The following AGMO variants were observed in gnomAD, a reference collection of about 807,000 sequenced individuals.
The protein encoded by AGMO is glyceryl-ether monooxygenase.
Under a neutral mutation model 60.2 loss-of-function variants are expected in AGMO, and 75 were observed. The observed-to-expected ratio is 1.25, with a 90% CI of 1.03 to 1.51. The LOEUF is 1.51. AGMO is among the 40% of genes most tolerant of loss of function. The pLI, the probability that AGMO is intolerant of heterozygous loss-of-function variation, is 0.00. For synonymous variants in AGMO, 261 were observed against 177.1 expected (o/e 1.47, Z -3.76); for missense variants, 763 against 525.5 (o/e 1.45, Z -4.42).
At chr7:15,314,071 C>T (rs1444208540) in intron 12 of AGMO, among the ~76,000 whole-genome samples, 2 of 151,904 alleles carry the variant, frequency 1.3e-5, no homozygotes, top group Non-Finnish European at 2.9e-5. Flanking sequence ...CAAGCCATGG[C>T]AGTGTTGATG....
At chr7:15,160,791 G>T in the AGMO span, among the ~76,000 whole-genome samples, 98 of 152,116 alleles carry the variant, frequency 6.4e-4, no homozygotes, top group Non-Finnish European at 5.4e-4. Context: ...CTATTGCTGT[G>T]AAAGTATTTT....
chr7:15,522,876 C>T (rs1056609477), intron 3 of AGMO, among the ~76,000 whole-genome samples: 1 of 152,098 alleles, frequency 6.6e-6, no homozygotes, highest in Non-Finnish European at 1.5e-5. Context: ...AGCTTCTGCA[C>T]AGCAAAAGAA....
At chr7:15,256,177 A>T (rs1320969444) in intron 12 of AGMO, among the ~76,000 whole-genome samples, 1 of 152,182 alleles carries the variant, frequency 6.6e-6, no homozygotes, top group Non-Finnish European at 1.5e-5. Context: ...AGGAAACGAG[A>T]GTGTTCAGGT....
intron 8 of AGMO, among the ~76,000 whole-genome samples, chr7:15,388,350 T>G (rs1265289524): frequency 6.6e-6 from 1 of 152,040 alleles, no homozygotes; most frequent in Non-Finnish European, 1.5e-5. Flanking sequence ...AATTGCAACC[T>G]CAGGCATATG....
intron 3 of AGMO, among the ~76,000 whole-genome samples, chr7:15,498,061 A>T (rs1783280981): frequency 6.6e-6 from 1 of 152,044 alleles, no homozygotes; most frequent in African/African-American, 2.4e-5. Flanking sequence ...CCCCTCAGTG[A>T]ATTAGATCAC....
chr7:15,448,806 TGA>T (rs1243527731), intron 3 of AGMO, among the ~76,000 whole-genome samples: 2 of 152,138 alleles, frequency 1.3e-5, no homozygotes, highest in Non-Finnish European at 2.9e-5. Flanking sequence ...GGTTTGAAGG[TGA>T]GAGATAAAAG....
At chr7:15,214,887 G>A (rs2128494910) in intron 12 of AGMO, among the ~76,000 whole-genome samples, 1 of 152,028 alleles carries the variant, frequency 6.6e-6, no homozygotes, top group South Asian at 2.1e-4. Context: ...GACATAAAAA[G>A]CTTATTTTAA....
chr7:15,411,523 T>TA (rs1244464937), intron 5 of AGMO, among the ~76,000 whole-genome samples: 1 of 151,920 alleles, frequency 6.6e-6, no homozygotes, highest in African/African-American at 2.4e-5. Context: ...AGTTGTTTTT[T>TA]TAAAAAGCAT....
chr7:15,453,247 A>C (rs1781901336), intron 3 of AGMO, among the ~76,000 whole-genome samples: 1 of 152,230 alleles, frequency 6.6e-6, no homozygotes, highest in Non-Finnish European at 1.5e-5. Context: ...AATAAATTAA[A>C]ATAAAAACTT....
At position 15,238,844 on chromosome 7, in the gene AGMO, T is replaced by A. The variant is rs565968234; in HGVS notation, c.1264-37485A>T. Among the ~76,000 whole-genome samples the A allele has an allele frequency of 1.3e-3, 202 of 152,184 alleles. 1 individual carries two copies. The highest frequency in any genetic ancestry group is 2.3e-3 in the Non-Finnish European group (157 of 67,930). ...CATAAGTATAGTCAGATTTGAAATA[T>A]AAAAAATACATGTACTAGGAAAACA... is the stretch of plus-strand genomic sequence containing the variant. On this transcript the variant is annotated intron_variant, in intron 12 of 12. Coordinates refer to ENST00000342526, the MANE Select transcript of AGMO (RefSeq NM_001004320.2).
the AGMO span, among the ~76,000 whole-genome samples, chr7:15,161,795 AATACATAT>A: frequency 1.3e-5 from 2 of 152,058 alleles, no homozygotes; most frequent in Non-Finnish European, 2.9e-5. Flanking sequence ...AACCCTGAGT[AATACATAT>A]ACCATTTGTC....
At chr7:15,432,015 G>T (rs527291312) in intron 3 of AGMO, among the ~76,000 whole-genome samples, 2 of 151,706 alleles carry the variant, frequency 1.3e-5, no homozygotes, top group African/African-American at 4.8e-5. Context: ...AGATCGAAAT[G>T]TCACATTATA....
At position 15,393,077 on chromosome 7, in the gene AGMO, CGAA is replaced by C. The variant is rs1392455463; in HGVS notation, c.676+1033_676+1035del. 2.0e-5 allele frequency among the ~76,000 whole-genome samples: 3 copies of C among 152,280 alleles called. No individual in the cohort carries two copies. The East Asian group carries it at 5.8e-4, about 29-fold the overall frequency. ...ATCACATTTGCATCACTGTGAAAGT[CGAA>C]GAATTAAAAGTCGAACCAATCATAA... On this transcript the variant is annotated intron_variant, in intron 6 of 12. Transcript: ENST00000342526.
At chr7:15,342,172 T>TAAAAAAAAAAAAAA (rs775057626) in intron 12 of AGMO, among the ~76,000 whole-genome samples, 1,628 of 54,228 alleles carry the variant, frequency 0.03, 197 homozygotes, top group African/African-American at 0.046. Flanking sequence ...CCCACAGAGT[T>TAAAAAAAAAAAAAA]AAAAAAAAAA....
At chr7:15,366,244 C>A (rs762870577) in intron 10 of AGMO, 22 bp from the exon 11 acceptor site, 32 of 1,569,590 alleles carry the variant, frequency 2.0e-5, no homozygotes, top group East Asian at 1.4e-4. Context: ...ACACGGAGAT[C>A]AATGGAGCCG....
the AGMO span, among the ~76,000 whole-genome samples, chr7:15,166,318 C>A: frequency 6.6e-6 from 1 of 152,090 alleles, no homozygotes; most frequent in Non-Finnish European, 1.5e-5. Flanking sequence ...GAAGACCACA[C>A]CGGTGGATGG....
At chr7:15,437,235 C>T (rs1355043758) in intron 3 of AGMO, among the ~76,000 whole-genome samples, 1 of 152,162 alleles carries the variant, frequency 6.6e-6, no homozygotes, top group African/African-American at 2.4e-5. Context: ...ATTTTATCAT[C>T]ATAACTCATT....
intron 10 of AGMO, among the ~76,000 whole-genome samples, chr7:15,384,849 ATT>A (rs1218643773): frequency 1.7e-5 from 2 of 120,562 alleles, no homozygotes; most frequent in Non-Finnish European, 3.6e-5. Flanking sequence ...TTTACAACAT[ATT>A]TTTATATACG....
chr7:15,561,963 T>TA lies in AGMO; in HGVS notation c.-119dup. The TA allele has an allele frequency of 9.1e-7, 1 of 1,096,166 alleles. No homozygotes were observed. The highest frequency in any genetic ancestry group is 1.3e-6 in the Non-Finnish European group (1 of 788,342). The allele number at this position is 1,096,166 out of a possible 1,614,324, so 67.9% of individuals were successfully genotyped here. ...AACAAGCTCTTTGTCAGAGAACAGCTAAAACCAAAGCTCCACTGAGAGCAC... is the reference window on the plus strand; with the variant it reads ...AACAAGCTCTTTGTCAGAGAACAGCTAAAAACCAAAGCTCCACTGAGAGCAC... On this transcript the variant is annotated 5_prime_UTR_variant, in exon 1 of 13. Coordinates refer to ENST00000342526, the MANE Select transcript of AGMO (RefSeq NM_001004320.2).
Sources: gnomAD v4.1 joint callset for allele counts (sites outside exome capture counted in the v4.1 genomes callset) on GRCh38, gnomAD v4.1.1 for gene constraint, MANE v1.5 for transcripts, NCBI Gene and HGNC (gene_info 2026-07-23, HGNC 2026-07-21) for gene names.